GLDC: variants seen among roughly 807,000 people sequenced by gnomAD.
The protein encoded by GLDC is glycine dehydrogenase (decarboxylating), mitochondrial.
Under a neutral mutation model 121.3 loss-of-function variants are expected in GLDC, and 104 were observed. The observed-to-expected ratio is 0.86, with a 90% CI of 0.73 to 1.01. GLDC has a LOEUF of 1.01. Ranked by LOEUF, GLDC falls within the 50% of genes least tolerant of loss-of-function variation. GLDC has a pLI of 0.00. For synonymous variants in GLDC, 546 were observed against 480.6 expected, an observed-to-expected ratio of 1.14 and a Z score of -1.78; for missense variants, 1,429 against 1,306.6, an observed-to-expected ratio of 1.09 and a Z score of -1.44.
intron 22 of GLDC, among the ~76,000 whole-genome samples, chr9:6,538,237 T>A (rs1257762650): frequency 6.6e-6 from 1 of 152,148 alleles, no homozygotes; most frequent in Non-Finnish European, 1.5e-5. Flanking sequence ...CCTGAGAAGT[T>A]CTTGCAAAAG....
Position 6,593,008 on chromosome 9 carries a change from T to A in GLDC, c.1262-18A>T. On this transcript the variant is annotated intron_variant, in intron 9 of 24. Transcript: ENST00000321612. The stretch of plus-strand genomic sequence containing the variant: ...CTTGAGACCTACACAAGATAGGAGA[T>A]CCCCCAAACTCTCATATAGAAACCT... The A allele has an allele frequency of 6.2e-7, 1 of 1,613,570 alleles. No individual in the cohort carries two copies. Among genetic ancestry groups the A allele is most frequent in the Non-Finnish European group, 8.5e-7 (1 of 1,179,534 alleles).
At position 6,601,045 on chromosome 9, in the gene GLDC, C is replaced by T. The variant is rs942898780; in HGVS notation, c.1155+1064G>A. 4.6e-5 allele frequency among the ~76,000 whole-genome samples: 7 copies of T among 152,090 alleles called. No individual in the cohort carries two copies. The South Asian group carries it at 8.3e-4, about 18-fold the overall frequency. The stretch of plus-strand genomic sequence containing the variant: ...AAAACTAGCCTGGCGCTGTGGCAGG[C>T]GCCTGTAATCCCAGTTACTCAGGAG... On this transcript the variant is annotated intron_variant, in intron 8 of 24. Transcript: ENST00000321612.
At chr9:6,597,904 A>G (rs1818521341) in intron 8 of GLDC, among the ~76,000 whole-genome samples, 1 of 144,674 alleles carries the variant, frequency 6.9e-6, no homozygotes, top group East Asian at 1.9e-4. Context: ...ACTGCACTCC[A>G]GCCTGGGCGA....
At chr9:6,639,800 T>G (rs1174436326) in intron 2 of GLDC, among the ~76,000 whole-genome samples, 3 of 151,786 alleles carry the variant, frequency 2.0e-5, no homozygotes, top group Non-Finnish European at 2.9e-5. Flanking sequence ...ACCCGCTTAC[T>G]TAGAATAAAC....
chr9:6,629,390 T>A (rs776135955), intron 2 of GLDC, among the ~76,000 whole-genome samples: 74 of 151,952 alleles, frequency 4.9e-4, no homozygotes, highest in Non-Finnish European at 3.1e-4. Context: ...AATTTTTGTA[T>A]TTTTGGTGGA....
At chr9:6,588,202 T>A (rs1221718116) in intron 14 of GLDC, among the ~76,000 whole-genome samples, 199 bp downstream of exon 14, 1 of 152,190 alleles carries the variant, frequency 6.6e-6, no homozygotes, top group African/African-American at 2.4e-5. Context: ...ATAATAAGTT[T>A]ACCCATACAT....
In GLDC at chr9:6,559,516, T is replaced by TA. The variant is rs56198084; in HGVS notation, c.1927-833dup. 2.7e-3 allele frequency among the ~76,000 whole-genome samples: 223 copies of TA among 83,260 alleles called. 1 individual carries two copies. Among genetic ancestry groups the TA allele is most frequent in the Admixed American group, 5.8e-3 (36 of 6,212 alleles). 54.6% of individuals were successfully genotyped at this position (83,260 alleles called of 152,430 possible). Reference sequence around the variant, plus strand: ...GGCGACAAGAGTGAAACTCCGTATTTAAAAAAAAAAAAAAAAAAAAAAAAA... The same window carrying TA: ...GGCGACAAGAGTGAAACTCCGTATTTAAAAAAAAAAAAAAAAAAAAAAAAAA... On this transcript the variant is annotated intron_variant, in intron 16 of 24. Coordinates refer to ENST00000321612, the MANE Select transcript of GLDC (RefSeq NM_000170.3).
chr9:6,568,622 C>T (rs953769109), intron 15 of GLDC, among the ~76,000 whole-genome samples: 4 of 151,490 alleles, frequency 2.6e-5, no homozygotes, highest in East Asian at 1.9e-4. Context: ...CCAAGGTGGG[C>T]GGATCACCTG....
At chr9:6,613,226 C>T (rs1050260683) in intron 3 of GLDC, among the ~76,000 whole-genome samples, 3 of 152,182 alleles carry the variant, frequency 2.0e-5, no homozygotes, top group African/African-American at 7.2e-5. Flanking sequence ...ATCCAGATAA[C>T]TATTGAGAAA....
intron 11 of GLDC, among the ~76,000 whole-genome samples, chr9:6,591,563 C>A (rs1364687625): frequency 6.6e-6 from 1 of 152,126 alleles, no homozygotes; most frequent in Non-Finnish European, 1.5e-5. Context: ...TGTCTTGCAT[C>A]TTTGTAGTAG....
Position 6,552,109 on chromosome 9 carries a change from T to C in GLDC, c.2458-1195A>G, listed in dbSNP as rs141882664. On this transcript the variant is annotated intron_variant, in intron 20 of 24. Transcript: ENST00000321612. Reference sequence around the variant, plus strand: ...GCCTAGGGTGAGTCTAGCAGTCCTGTAGGTGCGCCTGTGGAATTGCAGCAG... The same window carrying C: ...GCCTAGGGTGAGTCTAGCAGTCCTGCAGGTGCGCCTGTGGAATTGCAGCAG... Among the ~76,000 whole-genome samples, 1,029 of 152,212 alleles carry C rather than the reference T, an allele frequency of 6.8e-3. 15 individuals are homozygous for C. Among genetic ancestry groups the C allele is most frequent in the African/African-American group, 0.024 (992 of 41,534 alleles).
Position 6,592,942 on chromosome 9 carries a change from G to T in GLDC, c.1310C>A (p.Thr437Asn). ...TGAGCAGCCACACTGAATCTTCAAG[G>T]TATCAAAGAACAGGTCATGCTGGAG... is the stretch of plus-strand genomic sequence containing the variant. ...HQLQHDLFFD[T>N]LKIQCGCSVK... The change falls in exon 10 of 25, where the codon ACC becomes AAC. Residue 437 changes from threonine to asparagine, a missense_variant. Coordinates refer to ENST00000321612, the MANE Select transcript of GLDC (RefSeq NM_000170.3). 2 of 1,613,964 alleles carry T rather than the reference G, an allele frequency of 1.2e-6. No individual in the cohort carries two copies. The highest frequency in any genetic ancestry group is 1.7e-6 in the Non-Finnish European group (2 of 1,179,826).
intron 3 of GLDC, among the ~76,000 whole-genome samples, chr9:6,610,977 A>G (rs1035139025): frequency 5.9e-5 from 9 of 152,250 alleles, no homozygotes; most frequent in African/African-American, 2.2e-4. Flanking sequence ...CACATTTTAC[A>G]ATAGGAAAGC....
Position 6,620,483 on chromosome 9 carries a change from C to A in GLDC, c.335-164G>T, listed in dbSNP as rs1285247600. On this transcript the variant is annotated intron_variant, in intron 2 of 24. Coordinates refer to ENST00000321612, the MANE Select transcript of GLDC (RefSeq NM_000170.3). ...ACACTAAGTACTGTATGCGACATCTCAAAAAAAAAAAAAGTCCCCAAACAA... is the reference window on the plus strand; with the variant it reads ...ACACTAAGTACTGTATGCGACATCTAAAAAAAAAAAAAAGTCCCCAAACAA... Among the ~76,000 whole-genome samples, 8 of 142,974 alleles carry A rather than the reference C, an allele frequency of 5.6e-5. No homozygotes were observed. The highest frequency in any genetic ancestry group is 1.5e-4 in the African/African-American group (6 of 39,254). 93.8% of individuals were successfully genotyped at this position (142,974 alleles called of 152,430 possible). A position where few individuals can be genotyped will look rare whatever the true frequency, so the allele number is the denominator to read the frequency against.
At chr9:6,606,992 G>A (rs1330544446) in intron 4 of GLDC, among the ~76,000 whole-genome samples, 1 of 152,128 alleles carries the variant, frequency 6.6e-6, no homozygotes, top group African/African-American at 2.4e-5. Flanking sequence ...GAACCAGGGA[G>A]GCCGAGGTTG....
chr9:6,644,082 T>C (rs1563877202), intron 2 of GLDC, among the ~76,000 whole-genome samples: 1 of 110,644 alleles, frequency 9.0e-6, no homozygotes, highest in Non-Finnish European at 1.8e-5. Flanking sequence ...AGAAAAACCA[T>C]TCGGACTCGA....
At chr9:6,606,309 C>CAAAAAAA (rs56758871) in intron 5 of GLDC, among the ~76,000 whole-genome samples, 1 of 90,040 alleles carries the variant, frequency 1.1e-5, no homozygotes, top group African/African-American at 3.9e-5. Context: ...GACTCCGTCT[C>CAAAAAAA]AAAAAAAAAA....
intron 2 of GLDC, among the ~76,000 whole-genome samples, chr9:6,635,907 A>T (rs1284013786): frequency 6.6e-6 from 1 of 152,076 alleles, no homozygotes. Flanking sequence ...TAAAAATAAA[A>T]TGTTTTAAAA....
chr9:6,634,294 C>T (rs1040775037), intron 2 of GLDC, among the ~76,000 whole-genome samples: 3 of 151,938 alleles, frequency 2.0e-5, no homozygotes, highest in Admixed American at 6.6e-5. Flanking sequence ...CTTTGAGAGG[C>T]CAAGGCAGGC....
Sources: allele counts gnomAD v4.1 joint callset (sites outside exome capture counted in the v4.1 genomes callset), GRCh38; gene constraint gnomAD v4.1.1; transcripts MANE v1.5; gene names NCBI Gene and HGNC (gene_info 2026-07-23, HGNC 2026-07-21).